The following PPFIA3 variants were observed in gnomAD, a reference collection of about 807,000 sequenced individuals.
PPFIA3 encodes the protein PPFI scaffold protein A3, also known as liprin-alpha-3.
PPFIA3 carries 26 observed loss-of-function variants against 145.8 expected under a neutral mutation model. That is an observed-to-expected ratio of 0.18 (90% CI 0.13 to 0.25). PPFIA3 has a LOEUF of 0.25. PPFIA3 is among the 10% of genes least tolerant of loss of function. The pLI, the probability that PPFIA3 is intolerant of heterozygous loss-of-function variation, is 1.00. For synonymous variants in PPFIA3, 645 were observed against 661.4 expected (o/e 0.98, Z 0.38); for missense variants, 1,008 against 1,587.8 (o/e 0.63, Z 6.21).
Position 49,137,075 on chromosome 19 carries a change from A to G in PPFIA3, c.1853+164A>G, listed in dbSNP as rs567222988. Reference sequence around the variant, plus strand: ...CCGCTGTCCAGGCATCCCCTAGGATACACTCAGAAGTCTTCTATGTGCTAC... The same window carrying G: ...CCGCTGTCCAGGCATCCCCTAGGATGCACTCAGAAGTCTTCTATGTGCTAC... On this transcript the variant is annotated intron_variant, in intron 15 of 29. Coordinates refer to ENST00000334186, the MANE Select transcript of PPFIA3 (RefSeq NM_003660.4). 4.5e-4 allele frequency: 284 copies of G among 626,282 alleles called. No individual in the cohort carries two copies. The African/African-American group carries it at 4.8e-3, about 11-fold the overall frequency. 38.8% of individuals were successfully genotyped at this position (626,282 alleles called of 1,614,324 possible). A position where few individuals can be genotyped will look rare whatever the true frequency, so the allele number is the denominator to read the frequency against.
chr19:49,135,466 C>T (rs547154376), intron 13 of PPFIA3, among the ~76,000 whole-genome samples: 3 of 152,090 alleles, frequency 2.0e-5, no homozygotes, highest in Admixed American at 6.5e-5. Context: ...TCCGCCTCCC[C>T]GGTTCAAGTG....
chr19:49,150,887 A>C lies in PPFIA3; in HGVS notation c.*665A>C. ...CTGGCTCCGGGGTTTGCATGGGAGA[A>C]TCCTCTTTCCACGATGCCGCTGGGC... is the stretch of plus-strand genomic sequence containing the variant. On this transcript the variant is annotated 3_prime_UTR_variant, in exon 30 of 30. Transcript: ENST00000334186. 1 of 168,408 alleles carries C rather than the reference A, an allele frequency of 5.9e-6. No individual in the cohort carries two copies. The highest frequency in any genetic ancestry group is 1.3e-5 in the Non-Finnish European group (1 of 78,616). 10.4% of individuals were successfully genotyped at this position (168,408 alleles called of 1,614,324 possible).
Position 49,149,625 on chromosome 19 carries a change from G to C in PPFIA3, c.3433G>C (p.Asp1145His), listed in dbSNP as rs377719611. 2.2e-5 allele frequency: 35 copies of C among 1,614,108 alleles called. No individual in the cohort carries two copies. Among genetic ancestry groups the C allele is most frequent in the African/African-American group, 4.0e-5 (3 of 74,938 alleles). The change falls in exon 28 of 30, where the codon GAC (aspartate) becomes CAC (histidine). Residue 1145 changes from aspartate to histidine, a missense_variant. By Grantham distance (81) the Asp-to-His change is moderately conservative. This residue lies in a region of PPFIA3 where 125 missense variants were observed against 159.3 expected (regional missense o/e 0.78). Coordinates refer to ENST00000334186, the MANE Select transcript of PPFIA3 (RefSeq NM_003660.4). The surrounding 1 kb of genome is among the most constrained non-coding windows in gnomAD (Gnocchi z 5.7). ...GAAGGACCTCCGAGGCGTAACTCCC[G>C]ACTCAGCTGAGATGTTGCCCCCCAA... ...REKDLRGVTP[D>H]SAEMLPPNFR...
chr19:49,134,290 G>A, intron 11 of PPFIA3, 125 bp downstream of exon 11: 1 of 1,327,514 alleles, frequency 7.5e-7, no homozygotes. Flanking sequence ...GGCATCCTGA[G>A]TTGGGCAGCC....
intron 1 of PPFIA3, among the ~76,000 whole-genome samples, chr19:49,122,380 C>T (rs1232051987): frequency 1.3e-5 from 2 of 152,188 alleles, no homozygotes; most frequent in East Asian, 1.9e-4. Context: ...CTGTGCACAG[C>T]CTTTGTTTTT....
chr19:49,147,686 A>AGAG lies in PPFIA3; in HGVS notation c.2836-397_2836-396insGAG, dbSNP rs2041295980. Among the ~76,000 whole-genome samples, 3 of 145,818 alleles carry AGAG rather than the reference A, an allele frequency of 2.1e-5. No individual in the cohort carries two copies. The South Asian group carries it at 6.5e-4, about 32-fold the overall frequency. On this transcript the variant is annotated intron_variant, in intron 23 of 29. Transcript: ENST00000334186. ...GGGTGACATAGCAGACTCTTTCAGA[A>AGAG]AGAGAGAGAGAGAGAGAGAGAGAGA... is the stretch of plus-strand genomic sequence containing the variant.
Position 49,128,829 on chromosome 19 carries a change from C to T in PPFIA3, c.343-19C>T, listed in dbSNP as rs1438774984. ...TTTCCCTTGCCTCTTTTCCTTGACC[C>T]CATGCCGTGTGCTTGCAGCTGCTCC... is the stretch of plus-strand genomic sequence containing the variant. On this transcript the variant is annotated intron_variant, in intron 3 of 29. Transcript: ENST00000334186. The surrounding 1 kb of genome is among the most constrained non-coding windows in gnomAD (Gnocchi z 4.1). 8.8e-6 allele frequency: 14 copies of T among 1,582,592 alleles called. No homozygotes were observed. The highest frequency in any genetic ancestry group is 1.1e-5 in the Non-Finnish European group (13 of 1,164,332).
At chr19:49,144,334 A>G (rs2122636290) in intron 21 of PPFIA3, among the ~76,000 whole-genome samples, 1 of 152,316 alleles carries the variant, frequency 6.6e-6, no homozygotes, top group Non-Finnish European at 1.5e-5. Context: ...AGCTTTGTGC[A>G]TGAAACAAAG....
intron 18 of PPFIA3, among the ~76,000 whole-genome samples, 191 bp downstream of exon 18, chr19:49,140,279 G>C (rs1397401911): frequency 6.6e-6 from 1 of 152,080 alleles, no homozygotes; most frequent in Non-Finnish European, 1.5e-5. Flanking sequence ...GGCACTCTGG[G>C]ACCTGCTTGG....
rs540619527 is a variant in PPFIA3, at chr19:49,129,561, A to C, written c.582+107A>C. 2.5e-6 allele frequency: 3 copies of C among 1,216,754 alleles called. No homozygotes were observed. In the East Asian group the frequency reaches 7.6e-5, roughly 31 times the overall value. 75.4% of individuals were successfully genotyped at this position (1,216,754 alleles called of 1,614,324 possible). A position where few individuals can be genotyped will look rare whatever the true frequency, so the allele number is the denominator to read the frequency against. On this transcript the variant is annotated intron_variant, in intron 5 of 29. Coordinates refer to ENST00000334186, the MANE Select transcript of PPFIA3 (RefSeq NM_003660.4). ...GGTTCCAGAGAGAATCTATTGGGGC[A>C]GGACTAGGGCAGACAAGCTATGGGG... is the stretch of plus-strand genomic sequence containing the variant.
intron 20 of PPFIA3, 66 bp downstream of exon 20, chr19:49,142,181 G>A: frequency 2.1e-6 from 3 of 1,440,316 alleles, no homozygotes; most frequent in Admixed American, 2.1e-5. Context: ...ACTGGTAGGG[G>A]CTGCCTGGTC....
intron 1 of PPFIA3, among the ~76,000 whole-genome samples, chr19:49,121,256 G>T (rs2040933273): frequency 6.6e-6 from 1 of 152,148 alleles, no homozygotes; most frequent in Non-Finnish European, 1.5e-5. Context: ...TCTGTGGCCT[G>T]GGCTCATAAG....
intron 4 of PPFIA3, 124 bp downstream of exon 4, chr19:49,129,136 T>C: frequency 8.8e-7 from 1 of 1,135,632 alleles, no homozygotes; most frequent in Admixed American, 2.8e-5. Context: ...ATGTTGACTG[T>C]GATTGATTGG....
At chr19:49,121,505 G>T (rs769170192) in intron 1 of PPFIA3, among the ~76,000 whole-genome samples, 1 of 152,092 alleles carries the variant, frequency 6.6e-6, no homozygotes, top group East Asian at 1.9e-4. Context: ...GGCCAGGCGC[G>T]GTGGCTCATG....
chr19:49,133,167 G>A lies in PPFIA3; in HGVS notation c.1026+20G>A. The A allele has an allele frequency of 1.3e-6, 2 of 1,585,660 alleles. No individual in the cohort carries two copies. Reference sequence around the variant, plus strand: ...CGGCAGGTGGGGGCGCGGCCGGGAGGGGCGATGGGGGCGGTGCCGGGGCCC... The same window carrying A: ...CGGCAGGTGGGGGCGCGGCCGGGAGAGGCGATGGGGGCGGTGCCGGGGCCC... On this transcript the variant is annotated intron_variant, in intron 8 of 29. Coordinates refer to ENST00000334186, the MANE Select transcript of PPFIA3 (RefSeq NM_003660.4). The surrounding 1 kb of genome is among the most constrained non-coding windows in gnomAD (Gnocchi z 7.2).
intron 21 of PPFIA3, among the ~76,000 whole-genome samples, chr19:49,143,998 TTTTTTA>T (rs1204731339): frequency 1.4e-5 from 2 of 146,870 alleles, no homozygotes; most frequent in Non-Finnish European, 3.0e-5. Flanking sequence ...CAATATTTTA[TTTTTTA>T]TTTTTATTTT....
chr19:49,126,979 C>G (rs745633001), intron 1 of PPFIA3, among the ~76,000 whole-genome samples: 1 of 150,244 alleles, frequency 6.7e-6, no homozygotes, highest in Non-Finnish European at 1.5e-5. Flanking sequence ...CCCAGGTAGC[C>G]AGGACTGTTT....
At chr19:49,127,383 T>TAA (rs34030131) in intron 1 of PPFIA3, among the ~76,000 whole-genome samples, 340 of 28,592 alleles carry the variant, frequency 0.012, 24 homozygotes, top group African/African-American at 0.028. Context: ...TCACTCCAGC[T>TAA]AAAAAAAAAA....
At chr19:49,131,875 T>C (rs1195861016) in intron 7 of PPFIA3, among the ~76,000 whole-genome samples, 6 of 151,774 alleles carry the variant, frequency 4.0e-5, no homozygotes, top group Admixed American at 3.9e-4. Flanking sequence ...CCGGGCGTGA[T>C]GTCGGGCGCC....
Sources: allele counts gnomAD v4.1 joint callset (sites outside exome capture counted in the v4.1 genomes callset), GRCh38; gene constraint gnomAD v4.1.1; regional missense constraint gnomAD v4.1.1; non-coding constraint Gnocchi (gnomAD v3.1); transcripts MANE v1.5; gene names NCBI Gene and HGNC (gene_info 2026-07-23, HGNC 2026-07-21).